TBC1D16: variants seen among roughly 807,000 people sequenced by gnomAD.
The protein encoded by TBC1D16 is TBC1 domain family member 16.
In TBC1D16, 58 loss-of-function variants were observed where a neutral mutation model predicts 74.7. The observed-to-expected ratio is 0.78, with a 90% CI of 0.63 to 0.97. TBC1D16 has a LOEUF of 0.97. Ranked by LOEUF, TBC1D16 falls within the 50% of genes least tolerant of loss-of-function variation. TBC1D16 has a pLI of 0.00. For missense variants in TBC1D16, 1,014 were observed against 1,079.5 expected (o/e 0.94, Z 0.85); for synonymous variants, 493 against 474.7 (o/e 1.04, Z -0.50).
At chr17:79,998,303 TGC>T in intron 3 of TBC1D16, among the ~76,000 whole-genome samples, 1 of 151,550 alleles carries the variant, frequency 6.6e-6, no homozygotes, top group Non-Finnish European at 1.5e-5. Flanking sequence ...GCTGGAATCA[TGC>T]AGCTTGCAGC....
rs1002356640 is a variant in TBC1D16, at chr17:79,993,106, G to A, written c.779+17054C>T. ...TATGGGGTGGGGAGCACTAGCGCCA[G>A]CCCCATTGTGCAGAGGGGAAACTGA... On this transcript the variant is annotated intron_variant, in intron 3 of 11. Coordinates refer to ENST00000310924, the MANE Select transcript of TBC1D16 (RefSeq NM_019020.4). The surrounding 1 kb of genome is among the most constrained non-coding windows in gnomAD (Gnocchi z 5.1). 6.6e-6 allele frequency among the ~76,000 whole-genome samples: 1 copy of A among 152,214 alleles called. No homozygotes were observed. Among genetic ancestry groups the A allele is most frequent in the African/African-American group, 2.4e-5 (1 of 41,452 alleles).
intron 3 of TBC1D16, among the ~76,000 whole-genome samples, chr17:79,967,366 T>C (rs528299376): frequency 6.6e-6 from 1 of 152,032 alleles, no homozygotes; most frequent in Non-Finnish European, 1.5e-5. Flanking sequence ...GCATATAGAA[T>C]ATCATTAGGA....
Position 79,980,276 on chromosome 17 carries a change from C to CT in TBC1D16, c.780-27459dup, listed in dbSNP as rs2034525685. ...GGCATCTGATTAAATTTCATGAACT[C>CT]TTTTTCAGGCTTGCAGCCCAAATTC... is the stretch of plus-strand genomic sequence containing the variant. On this transcript the variant is annotated intron_variant, in intron 3 of 11. Transcript: ENST00000310924. The surrounding 1 kb of genome is among the most constrained non-coding windows in gnomAD (Gnocchi z 7.0). Among the ~76,000 whole-genome samples the CT allele has an allele frequency of 1.3e-5, 2 of 152,330 alleles. No homozygotes were observed. The highest frequency in any genetic ancestry group is 2.9e-5 in the Non-Finnish European group (2 of 68,030).
At chr17:80,014,338 C>G (rs2036012709) in intron 1 of TBC1D16, among the ~76,000 whole-genome samples, 1 of 151,854 alleles carries the variant, frequency 6.6e-6, no homozygotes. Flanking sequence ...GCCTGGGCAA[C>G]AGAGCGAGAC....
At chr17:80,027,964 C>T (rs985139011) in intron 1 of TBC1D16, among the ~76,000 whole-genome samples, 1 of 150,404 alleles carries the variant, frequency 6.6e-6, no homozygotes, top group Admixed American at 6.6e-5. Context: ...CCATTCTCCT[C>T]AAATGCATCC....
intron 3 of TBC1D16, among the ~76,000 whole-genome samples, chr17:79,989,339 G>C (rs1456723399): frequency 1.3e-5 from 2 of 152,230 alleles, no homozygotes; most frequent in African/African-American, 4.8e-5. Flanking sequence ...CTCACTGGTG[G>C]TTGGTTCAGC....
In TBC1D16 at chr17:80,025,119, A is replaced by ACACATACCAT. The variant is rs1240816819; in HGVS notation, c.-63+10675_-63+10676insATGGTATGTG. Among the ~76,000 whole-genome samples the ACACATACCAT allele has an allele frequency of 2.5e-3, 51 of 20,294 alleles. 2 individuals are homozygous for ACACATACCAT. The highest frequency in any genetic ancestry group is 6.6e-3 in the African/African-American group (30 of 4,518). The allele number at this position is 20,294 out of a possible 152,430, so 13.3% of individuals were successfully genotyped here. On this transcript the variant is annotated intron_variant, in intron 1 of 11. Coordinates refer to ENST00000310924, the MANE Select transcript of TBC1D16 (RefSeq NM_019020.4). ...CACACCATATACACACAAACACCACAGACACACACACACCATAGGCACACA... is the reference window on the plus strand; with the variant it reads ...CACACCATATACACACAAACACCACACACATACCATGACACACACACACCATAGGCACACA...
At position 79,939,714 on chromosome 17, in the gene TBC1D16, G is replaced by C. The variant is rs2031833112; in HGVS notation, c.*1145C>G. 1 of 152,280 alleles carries C rather than the reference G, an allele frequency of 6.6e-6. No homozygotes were observed. The highest frequency in any genetic ancestry group is 1.5e-5 in the Non-Finnish European group (1 of 68,030). 9.4% of individuals were successfully genotyped at this position (152,280 alleles called of 1,614,324 possible). ...CTGATACACAATCTTTTGGAAGAGG[G>C]AGAGTCTGTTGGGAAGACCTCATTC... On this transcript the variant is annotated 3_prime_UTR_variant, in exon 12 of 12. Coordinates refer to ENST00000310924, the MANE Select transcript of TBC1D16 (RefSeq NM_019020.4).
At chr17:79,977,205 C>G (rs2034366996) in intron 3 of TBC1D16, among the ~76,000 whole-genome samples, 1 of 152,242 alleles carries the variant, frequency 6.6e-6, no homozygotes, top group Non-Finnish European at 1.5e-5. Context: ...GCCCCACTGC[C>G]TCCACCACCC....
In TBC1D16 at chr17:79,994,735, T is replaced by C. The variant is rs1207473379; in HGVS notation, c.779+15425A>G. Among the ~76,000 whole-genome samples, 1 of 152,128 alleles carries C rather than the reference T, an allele frequency of 6.6e-6. No individual in the cohort carries two copies. The highest frequency in any genetic ancestry group is 6.5e-5 in the Admixed American group (1 of 15,272). ...CATTGCGCCCGGCCGAGAATGTTTTTTCAAAAAAGCAGGTCGCCAATCTGT... is the reference window on the plus strand; with the variant it reads ...CATTGCGCCCGGCCGAGAATGTTTTCTCAAAAAAGCAGGTCGCCAATCTGT... On this transcript the variant is annotated intron_variant, in intron 3 of 11. Coordinates refer to ENST00000310924, the MANE Select transcript of TBC1D16 (RefSeq NM_019020.4). This position sits in a 1 kb window ranked among gnomAD's most constrained non-coding sequence, Gnocchi z 4.6.
intron 1 of TBC1D16, among the ~76,000 whole-genome samples, chr17:80,015,121 C>T (rs951583849): frequency 6.6e-6 from 1 of 152,196 alleles, no homozygotes; most frequent in Non-Finnish European, 1.5e-5. Context: ...CGCCAAGGAA[C>T]GACCGTGTCA....
Position 79,981,865 on chromosome 17 carries a change from C to T in TBC1D16, c.779+28295G>A, listed in dbSNP as rs1050400637. Among the ~76,000 whole-genome samples, 6 of 152,230 alleles carry T rather than the reference C, an allele frequency of 3.9e-5. No individual in the cohort carries two copies. Among genetic ancestry groups the T allele is most frequent in the African/African-American group, 9.6e-5 (4 of 41,464 alleles). On this transcript the variant is annotated intron_variant, in intron 3 of 11. Coordinates refer to ENST00000310924, the MANE Select transcript of TBC1D16 (RefSeq NM_019020.4). This position sits in a 1 kb window ranked among gnomAD's most constrained non-coding sequence, Gnocchi z 6.9. ...CCTCAATCCCACTCCTCCAAGGGCG[C>T]GCCAGGGAACAGCAGGACGCGGCCC...
At position 79,941,744 on chromosome 17, in the gene TBC1D16, A is replaced by G. The variant is rs2143395382; in HGVS notation, c.2055+316T>C. Among the ~76,000 whole-genome samples the G allele has an allele frequency of 6.6e-6, 1 of 152,318 alleles. No individual in the cohort carries two copies. Among genetic ancestry groups the G allele is most frequent in the East Asian group, 1.9e-4 (1 of 5,162 alleles). ...GGTTGTAAGCGAGGTACCCCAGGGT[A>G]GGGAACCTGTCCTGTCCGTCAGCCC... On this transcript the variant is annotated intron_variant, in intron 11 of 11. Coordinates refer to ENST00000310924, the MANE Select transcript of TBC1D16 (RefSeq NM_019020.4). The surrounding 1 kb of genome is among the most constrained non-coding windows in gnomAD (Gnocchi z 4.3).
At chr17:79,969,857 G>A (rs938276331) in intron 3 of TBC1D16, among the ~76,000 whole-genome samples, 2 of 152,142 alleles carry the variant, frequency 1.3e-5, no homozygotes, top group South Asian at 2.1e-4. Flanking sequence ...CAGGAGAATC[G>A]CTTGAACCCG....
At chr17:79,972,042 C>T (rs1475878748) in intron 3 of TBC1D16, among the ~76,000 whole-genome samples, 1 of 152,190 alleles carries the variant, frequency 6.6e-6, no homozygotes, top group East Asian at 1.9e-4. Context: ...ATGTGTACCC[C>T]GTGTTCACAG....
chr17:79,977,946 A>G (rs1427289909), intron 3 of TBC1D16, among the ~76,000 whole-genome samples: 1 of 152,234 alleles, frequency 6.6e-6, no homozygotes, highest in Non-Finnish European at 1.5e-5. Context: ...GGGACCCCTA[A>G]GCTTTTCAGA....
At chr17:79,998,242 G>A (rs1358026942) in intron 3 of TBC1D16, among the ~76,000 whole-genome samples, 1 of 151,310 alleles carries the variant, frequency 6.6e-6, no homozygotes, top group African/African-American at 2.4e-5. Context: ...CCCAGCAGGT[G>A]TTGATCTGTT....
chr17:80,003,805 T>TGGGAGC (rs2035579765), intron 3 of TBC1D16, among the ~76,000 whole-genome samples: 5 of 152,148 alleles, frequency 3.3e-5, no homozygotes, highest in Admixed American at 2.0e-4. Flanking sequence ...ATCCCAGCAC[T>TGGGAGC]TTGGGAGGTC....
intron 3 of TBC1D16, among the ~76,000 whole-genome samples, chr17:79,969,185 G>A (rs1417554339): frequency 2.6e-5 from 4 of 152,090 alleles, no homozygotes; most frequent in African/African-American, 9.7e-5. Context: ...TCAGGAGTTC[G>A]AGACCAGCCT....
Sources: allele counts gnomAD v4.1 joint callset (sites outside exome capture counted in the v4.1 genomes callset), GRCh38; gene constraint gnomAD v4.1.1; non-coding constraint Gnocchi (gnomAD v3.1); transcripts MANE v1.5; gene names NCBI Gene and HGNC (gene_info 2026-07-23, HGNC 2026-07-21).